Variants in SAMSN1 observed in about 807,000 individuals in gnomAD.
The protein encoded by SAMSN1 is SAM domain, SH3 domain and nuclear localization signals 1.
In SAMSN1, 31 loss-of-function variants were observed where a neutral mutation model predicts 42.0. The ratio of observed to expected loss-of-function variants is 0.74; its 90% CI spans 0.55 to 1.00. The LOEUF is 1.00. Ranked by LOEUF, SAMSN1 falls within the 50% of genes least tolerant of loss-of-function variation. The probability of loss-of-function intolerance (pLI) is 0.00; values close to 1 mark genes in which losing one functional copy is unlikely to be tolerated. For missense variants in SAMSN1, 464 were observed against 439.4 expected (o/e 1.06, Z -0.50); for synonymous variants, 178 against 151.9 (o/e 1.17, Z -1.26).
intron 6 of SAMSN1, among the ~76,000 whole-genome samples, chr21:14,600,304 T>A (rs536602075): frequency 1.3e-5 from 2 of 152,206 alleles, no homozygotes; most frequent in African/African-American, 4.8e-5. Flanking sequence ...AATAAATTAA[T>A]ATTTTGCATA....
chr21:14,612,500 GAAAC>G, intron 4 of SAMSN1: 1 of 373,180 alleles, frequency 2.7e-6, no homozygotes, highest in Non-Finnish European at 5.5e-6. Flanking sequence ...CTTTTATAAT[GAAAC>G]CACTTTCTGC....
At position 14,498,535 on chromosome 21, in the gene SAMSN1, T is replaced by C. The variant is rs781510067; in HGVS notation, c.826A>G (p.Ile276Val). ...AATTCAATGAGGTGACTCTCTTTTA[T>C]ATCTTTTAAATCTTCTAGAGTCTCA... ...GYETLEDLKD[I>V]KESHLIELNI... Residue 276 changes from isoleucine (I) to valine (V), a missense_variant, in exon 7 of 8, where the codon ATA becomes GTA. Physicochemically the swap from Ile to Val is conservative, Grantham distance 29 (BLOSUM62 3). Coordinates refer to ENST00000400566, the MANE Select transcript of SAMSN1 (RefSeq NM_022136.5). 4 of 1,611,084 alleles carry C rather than the reference T, an allele frequency of 2.5e-6. No homozygotes were observed. Among genetic ancestry groups the C allele is most frequent in the South Asian group, 1.1e-5 (1 of 90,594 alleles).
At chr21:14,643,126 G>A in exon 2 of SAMSN1, 1 of 717,092 alleles carries the variant, frequency 1.4e-6, no homozygotes, top group Non-Finnish European at 2.6e-6. Flanking sequence ...GCTATCCATA[G>A]AGCCCTCCTG....
chr21:14,650,769 G>T (rs1055196385), intron 1 of SAMSN1, among the ~76,000 whole-genome samples: 2 of 151,522 alleles, frequency 1.3e-5, no homozygotes, highest in Non-Finnish European at 2.9e-5. Context: ...GTTAAACAAA[G>T]TTAACAAACT....
intron 2 of SAMSN1, among the ~76,000 whole-genome samples, chr21:14,555,210 T>C (rs879745838): frequency 2.0e-5 from 3 of 152,206 alleles, no homozygotes; most frequent in Non-Finnish European, 4.4e-5. Flanking sequence ...CTACAACTTC[T>C]GAGATTGCAA....
chr21:14,638,341 A>G (rs1983515576), intron 2 of SAMSN1, among the ~76,000 whole-genome samples: 1 of 152,174 alleles, frequency 6.6e-6, no homozygotes. Flanking sequence ...AAGTCTGTAA[A>G]ACATATTATA....
intron 2 of SAMSN1, among the ~76,000 whole-genome samples, chr21:14,564,440 T>C (rs1232067222): frequency 1.3e-5 from 2 of 152,154 alleles, no homozygotes; most frequent in East Asian, 3.8e-4. Context: ...AGTGTTATTG[T>C]CTCCTGTGTT....
intron 1 of SAMSN1, among the ~76,000 whole-genome samples, chr21:14,658,375 T>G (rs1983948729): frequency 6.6e-6 from 1 of 151,806 alleles, no homozygotes; most frequent in Non-Finnish European, 1.5e-5. Flanking sequence ...AAATTTTGAT[T>G]CCTGGGATGT....
chr21:14,532,060 G>A (rs886109070), intron 1 of SAMSN1, among the ~76,000 whole-genome samples: 1 of 151,972 alleles, frequency 6.6e-6, no homozygotes, highest in Non-Finnish European at 1.5e-5. Context: ...CCTGATTAAT[G>A]GTCACCGCCA....
intron 1 of SAMSN1, among the ~76,000 whole-genome samples, chr21:14,523,004 T>G (rs916052985): frequency 1.3e-5 from 2 of 152,196 alleles, no homozygotes; most frequent in South Asian, 4.1e-4. Context: ...CACACATAAA[T>G]GAGAAGATTG....
intron 2 of SAMSN1, among the ~76,000 whole-genome samples, chr21:14,628,791 A>C (rs1424678582): frequency 1.3e-5 from 2 of 152,220 alleles, no homozygotes; most frequent in Non-Finnish European, 2.9e-5. Context: ...TTGATTTTAC[A>C]CATTTGCAGA....
At chr21:14,559,844 A>G (rs1354077039) in intron 2 of SAMSN1, among the ~76,000 whole-genome samples, 2 of 152,110 alleles carry the variant, frequency 1.3e-5, no homozygotes, top group East Asian at 3.9e-4. Context: ...ATAAGAATGA[A>G]TGGGATTTGA....
intron 1 of SAMSN1, among the ~76,000 whole-genome samples, chr21:14,656,778 A>T (rs1310141533): frequency 6.6e-6 from 1 of 151,858 alleles, no homozygotes; most frequent in Non-Finnish European, 1.5e-5. Flanking sequence ...TAAAAGATTT[A>T]CAATTTTCCC....
At chr21:14,491,451 G>T (rs1986681194) in intron 7 of SAMSN1, among the ~76,000 whole-genome samples, 1 of 152,116 alleles carries the variant, frequency 6.6e-6, no homozygotes, top group South Asian at 2.1e-4. Context: ...ATTTCCATGT[G>T]AAAGCTACCT....
intron 1 of SAMSN1, among the ~76,000 whole-genome samples, chr21:14,648,970 C>T (rs1023200632): frequency 5.3e-5 from 8 of 151,546 alleles, no homozygotes; most frequent in Non-Finnish European, 7.4e-5. Flanking sequence ...CACATGCACA[C>T]GTATGTTTAT....
At chr21:14,601,974 T>A in intron 6 of SAMSN1, 1 of 638,404 alleles carries the variant, frequency 1.6e-6, no homozygotes, top group Admixed American at 2.4e-5. Context: ...CAGAGCTGAG[T>A]AACAAGACGA....
intron 1 of SAMSN1, among the ~76,000 whole-genome samples, chr21:14,525,671 G>A (rs964524827): frequency 4.6e-5 from 7 of 152,286 alleles, no homozygotes; most frequent in Admixed American, 3.3e-4. Flanking sequence ...CAAATGTGCG[G>A]CTATGAGGAA....
intron 1 of SAMSN1, among the ~76,000 whole-genome samples, chr21:14,656,599 T>C (rs1983920853): frequency 6.6e-6 from 1 of 151,810 alleles, no homozygotes; most frequent in Non-Finnish European, 1.5e-5. Context: ...CAGAGTGGCA[T>C]GTATAAAAGG....
intron 5 of SAMSN1, among the ~76,000 whole-genome samples, chr21:14,606,952 G>A (rs1214757387): frequency 6.6e-6 from 1 of 152,178 alleles, no homozygotes; most frequent in Non-Finnish European, 1.5e-5. Flanking sequence ...ACTCTTTAGG[G>A]CTGAAATGCT....
Sources: gnomAD v4.1 joint callset for allele counts (sites outside exome capture counted in the v4.1 genomes callset) on GRCh38, gnomAD v4.1.1 for gene constraint, MANE v1.5 for transcripts, NCBI Gene and HGNC (gene_info 2026-07-23, HGNC 2026-07-21) for gene names.